TMEM170B: variants seen among roughly 807,000 people sequenced by gnomAD.
The protein encoded by TMEM170B is transmembrane protein 170B.
In TMEM170B, 6 loss-of-function variants were observed where a neutral mutation model predicts 13.0. The observed-to-expected ratio is 0.46, with a 90% CI of 0.25 to 0.91. The LOEUF (loss-of-function observed/expected upper bound fraction) is 0.91, where lower values mean the gene tolerates loss of function less well. Among genes scored for constraint, TMEM170B ranks in the 40% least tolerant of loss-of-function variants. TMEM170B has a pLI of 0.17. For synonymous variants in TMEM170B, 61 were observed against 64.9 expected (o/e 0.94, Z 0.29); for missense variants, 138 against 165.2 (o/e 0.84, Z 0.90).
At chr6:11,551,572 T>C (rs1006535138) in intron 1 of TMEM170B, among the ~76,000 whole-genome samples, 2 of 152,162 alleles carry the variant, frequency 1.3e-5, no homozygotes, top group Non-Finnish European at 2.9e-5. Flanking sequence ...AATAGCACAG[T>C]CTAGCATTTT....
rs1554103781 is a variant in TMEM170B at position 11,576,633 on chromosome 6, C to T, written c.*1072C>T. 5 of 152,028 alleles carry T rather than the reference C, an allele frequency of 3.3e-5. No homozygotes were observed. Among genetic ancestry groups the T allele is most frequent in the Non-Finnish European group, 7.4e-5 (5 of 67,972 alleles). 9.4% of individuals were successfully genotyped at this position (152,028 alleles called of 1,614,324 possible). On this transcript the variant is annotated 3_prime_UTR_variant, in exon 3 of 3. Transcript: ENST00000379426. ...AGACCTCATTTGTAGAAATAAGTAA[C>T]AAGTAAGTTATATAGGAAGAGTAAT...
intron 1 of TMEM170B, among the ~76,000 whole-genome samples, chr6:11,546,799 TATA>T (rs1759447335): frequency 6.6e-6 from 1 of 152,222 alleles, no homozygotes; most frequent in Non-Finnish European, 1.5e-5. Flanking sequence ...AGGTACACTG[TATA>T]ATATTTGCAC....
Position 11,578,108 on chromosome 6 carries a change from A to T in TMEM170B, c.*2547A>T, listed in dbSNP as rs1398539514. On this transcript the variant is annotated 3_prime_UTR_variant, in exon 3 of 3. Coordinates refer to ENST00000379426, the MANE Select transcript of TMEM170B (RefSeq NM_001100829.3). ...TACTTGGAAAGCTTTTTTTCAGTGA[A>T]CACTTTCATGTTCTAGTGGAAAATT... is the stretch of plus-strand genomic sequence containing the variant. 3.3e-5 allele frequency: 5 copies of T among 152,076 alleles called. No homozygotes were observed. Among genetic ancestry groups the T allele is most frequent in the African/African-American group, 7.2e-5 (3 of 41,416 alleles). The allele number at this position is 152,076 out of a possible 1,614,324, so 9.4% of individuals were successfully genotyped here.
Position 11,581,571 on chromosome 6 carries a change from G to A in TMEM170B, c.*6010G>A, listed in dbSNP as rs557783298. ...AAAAGCAGTTTGACACAAATACACAGAAAGAGGAATTGCGGTGCATAATCA... is the reference window on the plus strand; with the variant it reads ...AAAAGCAGTTTGACACAAATACACAAAAAGAGGAATTGCGGTGCATAATCA... On this transcript the variant is annotated 3_prime_UTR_variant, in exon 3 of 3. Coordinates refer to ENST00000379426, the MANE Select transcript of TMEM170B (RefSeq NM_001100829.3). 1 of 152,280 alleles carries A rather than the reference G, an allele frequency of 6.6e-6. No homozygotes were observed. The highest frequency in any genetic ancestry group is 1.5e-5 in the Non-Finnish European group (1 of 68,008). The allele number at this position is 152,280 out of a possible 1,614,324, so 9.4% of individuals were successfully genotyped here.
At chr6:11,555,371 G>A (rs1759574599) in intron 1 of TMEM170B, among the ~76,000 whole-genome samples, 1 of 152,078 alleles carries the variant, frequency 6.6e-6, no homozygotes, top group South Asian at 2.1e-4. Flanking sequence ...AGGTATGTGT[G>A]TGCGTGGTTT....
At chr6:11,569,303 A>G (rs1361693775) in intron 2 of TMEM170B, among the ~76,000 whole-genome samples, 1 of 152,182 alleles carries the variant, frequency 6.6e-6, no homozygotes, top group East Asian at 1.9e-4. Flanking sequence ...TAGTTTCGAC[A>G]TGATCAACTG....
At chr6:11,574,445 A>C (rs2113784393) in intron 2 of TMEM170B, among the ~76,000 whole-genome samples, 1 of 152,284 alleles carries the variant, frequency 6.6e-6, no homozygotes, top group South Asian at 2.1e-4. Context: ...TAAAAATTAT[A>C]TTCTAATTTT....
intron 1 of TMEM170B, among the ~76,000 whole-genome samples, chr6:11,561,131 C>T (rs1238314018): frequency 6.6e-6 from 1 of 152,136 alleles, no homozygotes; most frequent in Admixed American, 6.5e-5. Flanking sequence ...TTCTGAGATA[C>T]GTTCTGGAAG....
At chr6:11,548,789 T>C (rs1233150414) in intron 1 of TMEM170B, among the ~76,000 whole-genome samples, 1 of 152,138 alleles carries the variant, frequency 6.6e-6, no homozygotes, top group Non-Finnish European at 1.5e-5. Context: ...TGGATGAAGC[T>C]GGAAACCATC....
intron 1 of TMEM170B, among the ~76,000 whole-genome samples, chr6:11,546,631 T>G (rs1759444559): frequency 6.6e-6 from 1 of 152,202 alleles, no homozygotes; most frequent in African/African-American, 2.4e-5. Flanking sequence ...TTACTGAACT[T>G]TTTTATGTTT....
intron 1 of TMEM170B, among the ~76,000 whole-genome samples, chr6:11,539,025 T>C (rs1181619259): frequency 6.6e-6 from 1 of 152,222 alleles, no homozygotes; most frequent in African/African-American, 2.4e-5. Context: ...TCTGAGACAT[T>C]TGATAATTTT....
At position 11,583,346 on chromosome 6, in the gene TMEM170B, T is replaced by C. The variant is rs889817352; in HGVS notation, c.*7785T>C. ...ACATGTGGCTCTCCTCTTTGTAATATACAGGGTGAACTCTTTACTGATACA... is the reference window on the plus strand; with the variant it reads ...ACATGTGGCTCTCCTCTTTGTAATACACAGGGTGAACTCTTTACTGATACA... On this transcript the variant is annotated 3_prime_UTR_variant, in exon 3 of 3. Transcript: ENST00000379426. The C allele has an allele frequency of 2.6e-5, 4 of 152,206 alleles. No homozygotes were observed. Among genetic ancestry groups the C allele is most frequent in the African/African-American group, 9.6e-5 (4 of 41,466 alleles). 9.4% of individuals were successfully genotyped at this position (152,206 alleles called of 1,614,324 possible).
chr6:11,543,013 C>G (rs576762397), intron 1 of TMEM170B, among the ~76,000 whole-genome samples: 1 of 152,182 alleles, frequency 6.6e-6, no homozygotes, highest in Non-Finnish European at 1.5e-5. Flanking sequence ...CTAGACTCCT[C>G]TTTCTTCTTT....
chr6:11,575,040 G>A lies in TMEM170B; in HGVS notation c.269-391G>A, dbSNP rs1759855778. Among the ~76,000 whole-genome samples, 2 of 151,898 alleles carry A rather than the reference G, an allele frequency of 1.3e-5. No individual in the cohort carries two copies. The highest frequency in any genetic ancestry group is 4.1e-4 in the South Asian group (2 of 4,830). On this transcript the variant is annotated intron_variant, in intron 2 of 2. Coordinates refer to ENST00000379426, the MANE Select transcript of TMEM170B (RefSeq NM_001100829.3). The surrounding 1 kb of genome is among the most constrained non-coding windows in gnomAD (Gnocchi z 4.1). ...TTACATTAAATTATGTTATTTTTCT[G>A]CATTATCACTTGTAATTATCAGTAT...
At chr6:11,540,554 C>T (rs113208851) in intron 1 of TMEM170B, among the ~76,000 whole-genome samples, 302 of 152,314 alleles carry the variant, frequency 2.0e-3, no homozygotes, top group African/African-American at 6.6e-3. Context: ...CTTGCTATTT[C>T]GACCACACCT....
chr6:11,547,888 ATG>A (rs1227076079), intron 1 of TMEM170B, among the ~76,000 whole-genome samples: 3 of 152,192 alleles, frequency 2.0e-5, no homozygotes, highest in South Asian at 2.1e-4. Flanking sequence ...TGATAATAAA[ATG>A]TATTTATCTT....
At position 11,580,883 on chromosome 6, in the gene TMEM170B, C is replaced by G. The variant is rs1759947018; in HGVS notation, c.*5322C>G. The G allele has an allele frequency of 6.6e-6, 1 of 152,190 alleles. No individual in the cohort carries two copies. The highest frequency in any genetic ancestry group is 1.5e-5 in the Non-Finnish European group (1 of 68,052). The allele number at this position is 152,190 out of a possible 1,614,324, so 9.4% of individuals were successfully genotyped here. A position where few individuals can be genotyped will look rare whatever the true frequency, so the allele number is the denominator to read the frequency against. ...TTCTTTATATGTGAGGCTTCACTGA[C>G]CACCGTGCATTTTGAAATTGTATTG... is the stretch of plus-strand genomic sequence containing the variant. On this transcript the variant is annotated 3_prime_UTR_variant, in exon 3 of 3. Transcript: ENST00000379426.
intron 1 of TMEM170B, among the ~76,000 whole-genome samples, chr6:11,561,443 G>A (rs759108035): frequency 3.9e-4 from 59 of 152,196 alleles, no homozygotes; most frequent in Non-Finnish European, 7.4e-4. Flanking sequence ...AGGACCTTGG[G>A]CATCTGCTTT....
chr6:11,572,654 CATT>C (rs1268852414), intron 2 of TMEM170B, among the ~76,000 whole-genome samples: 1 of 152,022 alleles, frequency 6.6e-6, no homozygotes, highest in South Asian at 2.1e-4. Context: ...AAACTCAAAA[CATT>C]ATAGATAGAG....
Sources: allele counts gnomAD v4.1 joint callset (sites outside exome capture counted in the v4.1 genomes callset), GRCh38; gene constraint gnomAD v4.1.1; non-coding constraint Gnocchi (gnomAD v3.1); transcripts MANE v1.5; gene names NCBI Gene and HGNC (gene_info 2026-07-23, HGNC 2026-07-21).